PCBP3: variants seen among roughly 807,000 people sequenced by gnomAD.
The protein encoded by PCBP3 is poly(rC)-binding protein 3.
A neutral mutation model predicts 52.7 loss-of-function variants in PCBP3; 25 were observed. The observed-to-expected ratio is 0.47, with a 90% CI of 0.35 to 0.66. The LOEUF (loss-of-function observed/expected upper bound fraction) is 0.66. Among genes scored for constraint, PCBP3 ranks in the 30% least tolerant of loss-of-function variants. The pLI is 0.01. For synonymous variants in PCBP3, 162 were observed against 183.0 expected, an observed-to-expected ratio of 0.89 and a Z score of 0.93; for missense variants, 391 against 490.3, an observed-to-expected ratio of 0.80 and a Z score of 1.91.
At position 45,919,832 on chromosome 21, in the gene PCBP3, TGTGTGC is replaced by T. The variant is rs746904045; in HGVS notation, c.717+2205_717+2210del. Among the ~76,000 whole-genome samples the T allele has an allele frequency of 1.5e-3, 222 of 149,952 alleles. 1 individual carries two copies. Among genetic ancestry groups the T allele is most frequent in the African/African-American group, 5.0e-3 (202 of 40,000 alleles). ...AAGCAGAGGTGTGTGTGTGTGTGTG[TGTGTGC>T]GCGCGCGCGTGCGCGTCCCCGTGCA... On this transcript the variant is annotated intron_variant, in intron 13 of 17. Transcript: ENST00000681687.
intron 4 of PCBP3, among the ~76,000 whole-genome samples, chr21:45,792,545 C>T (rs527503756): frequency 1.3e-5 from 2 of 152,350 alleles, no homozygotes; most frequent in South Asian, 4.1e-4. Flanking sequence ...TCTACTGACA[C>T]CCTGAACCAG....
At chr21:45,782,161 A>G (rs55707606) in intron 4 of PCBP3, among the ~76,000 whole-genome samples, 29,540 of 152,166 alleles carry the variant, frequency 0.19, 3,064 homozygotes, top group Middle Eastern at 0.34. Context: ...AAAAAATTTT[A>G]AAGCATGCTA....
At chr21:45,822,002 G>A (rs1407732845) in intron 4 of PCBP3, among the ~76,000 whole-genome samples, 1 of 152,198 alleles carries the variant, frequency 6.6e-6, no homozygotes, top group African/African-American at 2.4e-5. Flanking sequence ...TGAGCCTTGA[G>A]AAATGATATT....
intron 9 of PCBP3, among the ~76,000 whole-genome samples, chr21:45,902,712 G>A (rs764704162): frequency 6.6e-6 from 1 of 152,236 alleles, no homozygotes; most frequent in Non-Finnish European, 1.5e-5. Flanking sequence ...TCTCATAGCC[G>A]CTCCTTAGGG....
rs187093131 is a variant in PCBP3, at chr21:45,771,509, C to T, written c.-126+16057C>T. Among the ~76,000 whole-genome samples the T allele has an allele frequency of 4.8e-4, 73 of 152,208 alleles. 1 individual carries two copies. The highest frequency in any genetic ancestry group is 1.5e-3 in the African/African-American group (61 of 41,546). On this transcript the variant is annotated intron_variant, in intron 4 of 17. Transcript: ENST00000681687. ...TTTCACCGTCTTAACAAACTAAAAA[C>T]GAAAAACAGTATCATTTTAGAATAT... is the stretch of plus-strand genomic sequence containing the variant.
chr21:45,844,021 A>C (rs959546206), intron 4 of PCBP3, among the ~76,000 whole-genome samples: 7 of 152,058 alleles, frequency 4.6e-5, no homozygotes, highest in African/African-American at 1.7e-4. Flanking sequence ...CTCTGACCTC[A>C]CTGCTCCTTC....
chr21:45,819,763 G>A (rs772087394), intron 4 of PCBP3, among the ~76,000 whole-genome samples: 1 of 152,248 alleles, frequency 6.6e-6, no homozygotes, highest in Non-Finnish European at 1.5e-5. Context: ...GCAGCTGCTG[G>A]GCGCCTCTGT....
rs544290005 is a variant in PCBP3 at position 45,731,874 on chromosome 21, T to A, written c.-199-3518T>A. Among the ~76,000 whole-genome samples the A allele has an allele frequency of 1.4e-4, 22 of 152,178 alleles. No homozygotes were observed. The East Asian group carries it at 4.0e-3, about 28-fold the overall frequency. ...TAAGCCCCACAATGCATTGCCTTTT[T>A]TTTTTCTTTTGCTTTACATAGTCTA... On this transcript the variant is annotated intron_variant, in intron 2 of 17. Coordinates refer to ENST00000681687, the MANE Select transcript of PCBP3 (RefSeq NM_001384156.1).
Position 45,775,384 on chromosome 21 carries a change from AT to A in PCBP3, c.-126+19936del, listed in dbSNP as rs571731201. ...TTAAATGCCTCCTTATTCATTTCTG[AT>A]TTTGTTTTCTTTGGTTCTTCTCTCT... On this transcript the variant is annotated intron_variant, in intron 4 of 17. Transcript: ENST00000681687. Among the ~76,000 whole-genome samples the A allele has an allele frequency of 4.2e-3, 630 of 149,648 alleles. 4 individuals carry two copies. Among genetic ancestry groups the A allele is most frequent in the African/African-American group, 0.015 (600 of 40,548 alleles).
At chr21:45,921,810 C>CA (rs2074485340) in intron 13 of PCBP3, among the ~76,000 whole-genome samples, 1 of 46,478 alleles carries the variant, frequency 2.2e-5, no homozygotes, top group Admixed American at 1.8e-4. Flanking sequence ...CAGAACGAGA[C>CA]CCGTTTCAAA....
chr21:45,717,854 G>A (rs1364568812), intron 2 of PCBP3, among the ~76,000 whole-genome samples: 1 of 152,136 alleles, frequency 6.6e-6, no homozygotes, highest in Admixed American at 6.5e-5. Context: ...AAAATGAGTT[G>A]GGAAGTATCC....
At chr21:45,858,728 G>A (rs1027194826) in intron 5 of PCBP3, 3 of 152,150 alleles carry the variant, frequency 2.0e-5, no homozygotes, top group African/African-American at 7.2e-5. Flanking sequence ...TGCTGATATG[G>A]TCTGGCTGTG....
intron 4 of PCBP3, among the ~76,000 whole-genome samples, chr21:45,801,420 G>A (rs1239483836): frequency 2.0e-5 from 3 of 152,258 alleles, no homozygotes; most frequent in African/African-American, 4.8e-5. Context: ...CTGCAGAGGA[G>A]CAGATGGCGG....
chr21:45,892,150 G>A (rs866635289), intron 5 of PCBP3, among the ~76,000 whole-genome samples: 70 of 152,294 alleles, frequency 4.6e-4, no homozygotes, highest in African/African-American at 1.4e-3. Context: ...GCAGGACCGC[G>A]GCGTCCTTCC....
intron 17 of PCBP3, among the ~76,000 whole-genome samples, chr21:45,940,782 C>CACCAGGCACACTGTACCACCAGCCCCCCA (rs147490338): frequency 1.5e-5 from 2 of 129,346 alleles, no homozygotes; most frequent in African/African-American, 7.2e-5. Context: ...CCACCAGCCC[C>CACCAGGCACACTGTACCACCAGCCCCCCA]GCCAGGCACA....
intron 5 of PCBP3, among the ~76,000 whole-genome samples, chr21:45,874,831 C>G (rs1455013811): frequency 6.6e-6 from 1 of 152,182 alleles, no homozygotes; most frequent in African/African-American, 2.4e-5. Context: ...GTGTCGGTCC[C>G]TGTGGTTTTC....
chr21:45,690,751 A>G (rs573635558), intron 2 of PCBP3, among the ~76,000 whole-genome samples: 5 of 152,178 alleles, frequency 3.3e-5, no homozygotes, highest in Non-Finnish European at 5.9e-5. Context: ...TGAAAGCTAA[A>G]AGCACAAGGA....
At chr21:45,810,362 C>T (rs1198183084) in intron 4 of PCBP3, among the ~76,000 whole-genome samples, 1 of 151,926 alleles carries the variant, frequency 6.6e-6, no homozygotes, top group Non-Finnish European at 1.5e-5. Context: ...ACCCCAGCCT[C>T]CCGAGTAGCT....
intron 4 of PCBP3, among the ~76,000 whole-genome samples, chr21:45,842,846 G>T (rs1034650479): frequency 2.6e-5 from 4 of 152,186 alleles, no homozygotes; most frequent in African/African-American, 9.7e-5. Context: ...CTCTGACCGG[G>T]CAGGGTGCTG....
Sources: gnomAD v4.1 joint callset for allele counts (sites outside exome capture counted in the v4.1 genomes callset) on GRCh38, gnomAD v4.1.1 for gene constraint, MANE v1.5 for transcripts, NCBI Gene and HGNC (gene_info 2026-07-23, HGNC 2026-07-21) for gene names.